The following ANK2 variants were observed in gnomAD, a reference collection of about 807,000 sequenced individuals.
ANK2 encodes the protein ankyrin 2, also known as ankyrin-2.
ANK2 carries 83 observed loss-of-function variants against 360.5 expected under a neutral mutation model. The observed-to-expected ratio is 0.23, with a 90% CI of 0.19 to 0.28. ANK2 has a LOEUF of 0.28. Among genes scored for constraint, ANK2 ranks in the 10% least tolerant of loss-of-function variants. ANK2 has a pLI of 1.00. For missense variants in ANK2, 4,201 were observed against 4,795.7 expected (o/e 0.88, Z 3.66); for synonymous variants, 1,740 against 1,759.5 (o/e 0.99, Z 0.28).
chr4:113,237,229 T>TG, intron 6 of ANK2, 57 bp downstream of exon 6: 1 of 1,553,414 alleles, frequency 6.4e-7, no homozygotes, highest in Non-Finnish European at 8.9e-7. Flanking sequence ...AGACTCCTCC[T>TG]GGGGGATGAT....
chr4:112,851,749 G>A (rs1243558019), intron 1 of ANK2, among the ~76,000 whole-genome samples: 5 of 151,244 alleles, frequency 3.3e-5, no homozygotes, highest in Non-Finnish European at 5.9e-5. Context: ...TCAGCCTCCC[G>A]AGTAGCTGGC....
At chr4:113,305,853 C>T (rs2077043789) in intron 23 of ANK2, among the ~76,000 whole-genome samples, 1 of 152,150 alleles carries the variant, frequency 6.6e-6, no homozygotes, top group Non-Finnish European at 1.5e-5. Flanking sequence ...AGTATTCAAA[C>T]TCTTGTCATT....
chr4:113,130,827 TCTC>T (rs1350002419), intron 1 of ANK2, among the ~76,000 whole-genome samples: 2 of 152,170 alleles, frequency 1.3e-5, no homozygotes, highest in Non-Finnish European at 2.9e-5. Flanking sequence ...CACAAGTTAA[TCTC>T]CTGAATCAAA....
intron 2 of ANK2, among the ~76,000 whole-genome samples, chr4:113,178,554 A>G (rs1369618105): frequency 6.7e-6 from 1 of 148,836 alleles, no homozygotes; most frequent in African/African-American, 2.5e-5. Flanking sequence ...CCTGCGCGAT[A>G]GAGTGAGACT....
the ANK2 span, chr4:112,788,484 G>C: frequency 4.1e-5 from 66 of 1,592,692 alleles, no homozygotes; most frequent in African/African-American, 7.4e-4. Flanking sequence ...CAAAGGACAG[G>C]TGGTCTCTTG....
chr4:112,904,754 TC>T (rs1267041481), intron 2 of ANK2, among the ~76,000 whole-genome samples: 1 of 152,146 alleles, frequency 6.6e-6, no homozygotes, highest in East Asian at 1.9e-4. Context: ...GATTGTCTCT[TC>T]CTCAAGATAT....
At chr4:113,181,797 G>A (rs1281108142) in intron 2 of ANK2, among the ~76,000 whole-genome samples, 1 of 152,170 alleles carries the variant, frequency 6.6e-6, no homozygotes, top group Non-Finnish European at 1.5e-5. Context: ...AAGCAAGCCT[G>A]CCTGGAGTAG....
At chr4:112,770,726 A>AAT in the ANK2 span, among the ~76,000 whole-genome samples, 1 of 146,892 alleles carries the variant, frequency 6.8e-6, no homozygotes, top group Non-Finnish European at 1.5e-5. Context: ...AAAAAAAAAA[A>AAT]GTGCATTATA....
intron 1 of ANK2, among the ~76,000 whole-genome samples, chr4:113,149,557 G>A (rs2096959071): frequency 6.6e-6 from 1 of 151,970 alleles, no homozygotes; most frequent in South Asian, 2.1e-4. Flanking sequence ...TTTAGATATG[G>A]TTATGTAACT....
chr4:113,039,629 C>A (rs1266637287), intron 2 of ANK2, among the ~76,000 whole-genome samples: 1 of 151,786 alleles, frequency 6.6e-6, no homozygotes, highest in Admixed American at 6.6e-5. Context: ...CCGAAAGACA[C>A]CCCACTAGAA....
the ANK2 span, among the ~76,000 whole-genome samples, chr4:112,712,039 T>TACAC: frequency 4.1e-5 from 6 of 147,758 alleles, no homozygotes; most frequent in African/African-American, 9.9e-5. Context: ...GTTACATACA[T>TACAC]ACACACACAC....
chr4:113,381,728 A>C lies in ANK2; in HGVS notation c.*257A>C. 7.5e-7 allele frequency: 1 copy of C among 1,342,156 alleles called. No homozygotes were observed. The highest frequency in any genetic ancestry group is 1.0e-6 in the Non-Finnish European group (1 of 980,616). 83.1% of individuals were successfully genotyped at this position (1,342,156 alleles called of 1,614,324 possible). On this transcript the variant is annotated 3_prime_UTR_variant, in exon 46 of 46. Transcript: ENST00000357077. ...GTAGGGGAGTGACCTAACTGGCCTA[A>C]TTAATGGGATACCCCGACATTTCCA...
chr4:113,321,290 C>T (rs533170083), intron 26 of ANK2, among the ~76,000 whole-genome samples: 23 of 134,708 alleles, frequency 1.7e-4, no homozygotes, highest in Admixed American at 6.8e-4. Context: ...TTTGTACAAT[C>T]CCCATATACA....
the ANK2 span, among the ~76,000 whole-genome samples, chr4:112,786,031 G>A: frequency 6.6e-6 from 1 of 151,782 alleles, no homozygotes; most frequent in Non-Finnish European, 1.5e-5. Context: ...TTGTAGAGAC[G>A]GGGTTTTGCC....
chr4:112,712,477 G>A, the ANK2 span, among the ~76,000 whole-genome samples: 3 of 142,898 alleles, frequency 2.1e-5, no homozygotes, highest in East Asian at 2.1e-4. Flanking sequence ...GCGTGATCTC[G>A]GTTCACTGCA....
At chr4:113,159,847 C>T (rs1198979138) in intron 1 of ANK2, among the ~76,000 whole-genome samples, 2 of 151,992 alleles carry the variant, frequency 1.3e-5, no homozygotes, top group African/African-American at 4.8e-5. Context: ...GTCTCAAACT[C>T]CTGACCTCAG....
In ANK2 at chr4:112,903,976, C is replaced by T. The variant is rs180822711; in HGVS notation, c.-39-479C>T. 1.7e-3 allele frequency among the ~76,000 whole-genome samples: 260 copies of T among 152,190 alleles called. 1 individual carries two copies. The highest frequency in any genetic ancestry group is 5.2e-3 in the Admixed American group (79 of 15,296). On this transcript the variant is annotated intron_variant, in intron 1 of 30. Transcript: ENST00000503271. ...CATATTGTAGATGTTTAACAAATGG[C>T]AGTTATAAAAGGAAGAAGAAGGGGT... is the stretch of plus-strand genomic sequence containing the variant.
chr4:112,955,138 G>A (rs1249435268), intron 2 of ANK2, among the ~76,000 whole-genome samples: 1 of 152,062 alleles, frequency 6.6e-6, no homozygotes, highest in Non-Finnish European at 1.5e-5. Context: ...TGAAAAACAA[G>A]CTACAGCTTA....
At chr4:112,763,492 A>G in the ANK2 span, among the ~76,000 whole-genome samples, 1 of 150,690 alleles carries the variant, frequency 6.6e-6, no homozygotes, top group South Asian at 2.1e-4. Flanking sequence ...TCGGCCTCCC[A>G]AAGTGCTGGG....
Sources: allele counts gnomAD v4.1 joint callset (sites outside exome capture counted in the v4.1 genomes callset), GRCh38; gene constraint gnomAD v4.1.1; transcripts MANE v1.5; gene names NCBI Gene and HGNC (gene_info 2026-07-23, HGNC 2026-07-21).